The following ROBO2 variants were observed in gnomAD, a reference collection of about 807,000 sequenced individuals.
ROBO2 encodes roundabout homolog 2.
A neutral mutation model predicts 160.8 loss-of-function variants in ROBO2; 53 were observed. The observed-to-expected ratio is 0.33, with a 90% confidence interval of 0.26 to 0.41. ROBO2 has a LOEUF of 0.41. Ranked by LOEUF, ROBO2 falls within the 10% of genes least tolerant of loss-of-function variation. The pLI is 1.00. For synonymous variants in ROBO2, 664 were observed against 611.7 expected (o/e 1.09, Z -1.26); for missense variants, 1,577 against 1,722.4 (o/e 0.92, Z 1.49).
chr3:77,377,750 T>A (rs1452516770), intron 2 of ROBO2, among the ~76,000 whole-genome samples: 3 of 152,238 alleles, frequency 2.0e-5, no homozygotes, highest in Non-Finnish European at 4.4e-5. Context: ...AGTATATCCA[T>A]TTCAAAAGGA....
At chr3:76,561,205 C>T (rs1242227828) in intron 2 of ROBO2, among the ~76,000 whole-genome samples, 1 of 151,724 alleles carries the variant, frequency 6.6e-6, no homozygotes, top group Non-Finnish European at 1.5e-5. Context: ...ATCATGTCTG[C>T]ACATCACTAA....
chr3:76,871,174 A>G (rs1344852100), intron 2 of ROBO2, among the ~76,000 whole-genome samples: 2 of 152,182 alleles, frequency 1.3e-5, no homozygotes, highest in Non-Finnish European at 2.9e-5. Context: ...CACTATTTCA[A>G]ATTCCTTAAA....
At chr3:77,098,570 G>T (rs973002176) in intron 2 of ROBO2, among the ~76,000 whole-genome samples, 1 of 152,080 alleles carries the variant, frequency 6.6e-6, no homozygotes, top group African/African-American at 2.4e-5. Context: ...AAAGCAGGCC[G>T]GGCGCGGTGG....
At chr3:76,590,592 T>G (rs924427758) in intron 2 of ROBO2, among the ~76,000 whole-genome samples, 1 of 152,138 alleles carries the variant, frequency 6.6e-6, no homozygotes, top group Admixed American at 6.6e-5. Flanking sequence ...CCAAAGGATA[T>G]AAATTTTTGG....
intron 2 of ROBO2, among the ~76,000 whole-genome samples, chr3:76,054,373 C>G (rs1576652573): frequency 6.6e-6 from 1 of 152,260 alleles, no homozygotes; most frequent in East Asian, 1.9e-4. Context: ...AGTCACTTTT[C>G]TTGAGGAATA....
intron 2 of ROBO2, among the ~76,000 whole-genome samples, chr3:76,850,602 T>A (rs1291798667): frequency 1.3e-5 from 2 of 152,204 alleles, no homozygotes; most frequent in African/African-American, 4.8e-5. Flanking sequence ...CGGGGCTCGA[T>A]GATGCTCTTT....
rs185147042 is a variant in ROBO2 at position 77,212,182 on chromosome 3, C to T, written c.388+113842C>T. Among the ~76,000 whole-genome samples, 230 of 152,200 alleles carry T rather than the reference C, an allele frequency of 1.5e-3. 3 individuals are homozygous for T. The highest frequency in any genetic ancestry group is 3.2e-3 in the African/African-American group (132 of 41,534). On this transcript the variant is annotated intron_variant, in intron 2 of 25. Transcript: ENST00000461745. Reference sequence around the variant, plus strand: ...ACCTTGGGCAGTATGGCCATTTTCACGACATTGATTCTTCCTACCCATGAG... The same window carrying T: ...ACCTTGGGCAGTATGGCCATTTTCATGACATTGATTCTTCCTACCCATGAG...
chr3:76,026,353 C>T (rs1421652478), intron 2 of ROBO2, among the ~76,000 whole-genome samples: 3 of 151,844 alleles, frequency 2.0e-5, no homozygotes, highest in Admixed American at 1.3e-4. Context: ...AATTTCATTG[C>T]TGCACTAATG....
chr3:76,167,601 A>G (rs1481098877), intron 2 of ROBO2, among the ~76,000 whole-genome samples: 1 of 152,160 alleles, frequency 6.6e-6, no homozygotes, highest in Non-Finnish European at 1.5e-5. Flanking sequence ...AGAAACCTCA[A>G]AGATGGAAAT....
intron 2 of ROBO2, among the ~76,000 whole-genome samples, chr3:77,003,844 C>A (rs937375507): frequency 6.6e-6 from 1 of 151,966 alleles, no homozygotes; most frequent in Non-Finnish European, 1.5e-5. Flanking sequence ...CACGCCCAGC[C>A]GACATGGAGG....
At chr3:76,631,582 A>G (rs1240842423) in intron 2 of ROBO2, among the ~76,000 whole-genome samples, 1 of 152,194 alleles carries the variant, frequency 6.6e-6, no homozygotes, top group Non-Finnish European at 1.5e-5. Flanking sequence ...TAAACATAAG[A>G]TCGTAAGCCT....
chr3:77,277,145 T>TTTCCTTCCTTTC, intron 2 of ROBO2, among the ~76,000 whole-genome samples: 1 of 116,226 alleles, frequency 8.6e-6, no homozygotes, highest in Admixed American at 9.4e-5. Context: ...TTCTTCCTTC[T>TTTCCTTCCTTTC]TTCCTTCTTT....
intron 2 of ROBO2, among the ~76,000 whole-genome samples, chr3:77,425,241 T>C (rs2078077082): frequency 6.6e-6 from 1 of 151,346 alleles, no homozygotes; most frequent in Admixed American, 6.6e-5. Flanking sequence ...CTTATGGAGC[T>C]TTGAACTAGT....
chr3:77,370,925 A>G (rs2071664288), intron 2 of ROBO2, among the ~76,000 whole-genome samples: 1 of 152,192 alleles, frequency 6.6e-6, no homozygotes, highest in South Asian at 2.1e-4. Flanking sequence ...GTCCAGGGAA[A>G]TGAGCTGAAA....
intron 1 of ROBO2, among the ~76,000 whole-genome samples, chr3:75,926,065 A>T (rs1292863376): frequency 1.3e-5 from 2 of 152,202 alleles, no homozygotes; most frequent in Non-Finnish European, 2.9e-5. Context: ...CAGAAAAAAA[A>T]TCTGACAAAT....
chr3:77,095,184 G>C (rs559817478), intron 1 of ROBO2, among the ~76,000 whole-genome samples: 4 of 152,126 alleles, frequency 2.6e-5, no homozygotes, highest in African/African-American at 9.6e-5. Context: ...GTTCTTTGAT[G>C]TTTTTATTAA....
chr3:77,473,595 A>C (rs2083620361), intron 2 of ROBO2, among the ~76,000 whole-genome samples: 1 of 150,822 alleles, frequency 6.6e-6, no homozygotes, highest in Admixed American at 6.6e-5. Context: ...CTGGGACTAC[A>C]GGCACCCGCC....
chr3:77,462,191 T>C (rs1224152917), intron 2 of ROBO2, among the ~76,000 whole-genome samples: 1 of 152,236 alleles, frequency 6.6e-6, no homozygotes, highest in African/African-American at 2.4e-5. Flanking sequence ...CAGTTAGTAA[T>C]ACTTGCTCCT....
intron 7 of ROBO2, among the ~76,000 whole-genome samples, chr3:77,550,248 T>G (rs1163976245): frequency 4.6e-5 from 7 of 152,058 alleles, no homozygotes; most frequent in Non-Finnish European, 1.0e-4. Flanking sequence ...GTAGCATTTG[T>G]TTATAACCCC....
Sources: gnomAD v4.1 joint callset for allele counts (sites outside exome capture counted in the v4.1 genomes callset) on GRCh38, gnomAD v4.1.1 for gene constraint, MANE v1.5 for transcripts, NCBI Gene and HGNC (gene_info 2026-07-23, HGNC 2026-07-21) for gene names.